Variants in DCP1B observed in about 807,000 individuals in gnomAD.
DCP1B encodes mRNA-decapping enzyme 1B.
In DCP1B, 47 loss-of-function variants were observed where a neutral mutation model predicts 60.5. That is an observed-to-expected ratio of 0.78 (90% CI 0.61 to 0.99). The LOEUF is 0.99. DCP1B is among the 50% of genes least tolerant of loss of function. DCP1B has a pLI of 0.00. For synonymous variants in DCP1B, 267 were observed against 280.3 expected, an observed-to-expected ratio of 0.95 and a Z score of 0.47; for missense variants, 725 against 756.8, an observed-to-expected ratio of 0.96 and a Z score of 0.49.
chr12:1,968,960 C>G (rs1311543169), intron 3 of DCP1B, among the ~76,000 whole-genome samples: 2 of 152,192 alleles, frequency 1.3e-5, no homozygotes, highest in Non-Finnish European at 2.9e-5. Context: ...GAAGCAGCTC[C>G]AGAAGACATT....
intron 1 of DCP1B, among the ~76,000 whole-genome samples, chr12:2,001,821 C>A (rs552425717): frequency 2.6e-5 from 4 of 152,308 alleles, no homozygotes; most frequent in Non-Finnish European, 5.9e-5. Flanking sequence ...ATTCCCTGGC[C>A]TCTACTCTAT....
At chr12:1,985,974 C>CT (rs1269043440) in intron 3 of DCP1B, among the ~76,000 whole-genome samples, 1 of 152,106 alleles carries the variant, frequency 6.6e-6, no homozygotes, top group Admixed American at 6.5e-5. Context: ...CCACACTTGG[C>CT]TAATTTTGTT....
chr12:1,997,686 C>T (rs2041263718), intron 2 of DCP1B, among the ~76,000 whole-genome samples: 1 of 152,118 alleles, frequency 6.6e-6, no homozygotes, highest in South Asian at 2.1e-4. Flanking sequence ...TTAAACAGTG[C>T]CCAGTCAATG....
rs1201547432 is a variant in DCP1B, at chr12:1,948,593, GAGC to G, written c.1773+490_1773+492del. 1.3e-5 allele frequency among the ~76,000 whole-genome samples: 2 copies of G among 152,208 alleles called. No individual in the cohort carries two copies. The highest frequency in any genetic ancestry group is 4.8e-5 in the African/African-American group (2 of 41,454). On this transcript the variant is annotated intron_variant, in intron 8 of 8. Transcript: ENST00000280665. This position sits in a 1 kb window ranked among gnomAD's most constrained non-coding sequence, Gnocchi z 4.8. Reference sequence around the variant, plus strand: ...TCCTGTCACTCCATCCCGTCCTAATGAGCAGGTTTCAAAATGACTTGTAAAACA... The same window carrying G: ...TCCTGTCACTCCATCCCGTCCTAATGAGGTTTCAAAATGACTTGTAAAACA...
rs1327544107 is a variant in DCP1B, at chr12:1,952,607, CAG to C, written c.1331_1332del (p.Ser444TrpfsTer25). 1.2e-6 allele frequency: 2 copies of C among 1,614,040 alleles called. No individual in the cohort carries two copies. Among genetic ancestry groups the C allele is most frequent in the African/African-American group, 2.7e-5 (2 of 74,908 alleles). ...LPISGSQTGS[S>X]GVISPQELLK... is the part of the protein sequence containing the mutation. ...AGTAACTCTTGAGGGGAGATCACTCCAGAGCTGCCAGTCTGACTACCAGAGAT... is the reference window on the plus strand; with the variant it reads ...AGTAACTCTTGAGGGGAGATCACTCCAGCTGCCAGTCTGACTACCAGAGAT... On this transcript the variant is annotated frameshift_variant, in exon 7 of 9. Transcript: ENST00000280665. LOFTEE classifies it high-confidence loss of function.
chr12:1,998,672 A>G (rs1050314537), intron 1 of DCP1B, among the ~76,000 whole-genome samples: 4 of 152,196 alleles, frequency 2.6e-5, no homozygotes, highest in Admixed American at 2.6e-4. Context: ...GTCACTTCAC[A>G]TTTCTTTTCC....
chr12:1,946,228 G>A lies in DCP1B; in HGVS notation c.1832C>T (p.Ala611Val), dbSNP rs775058555. ...CTGTCACATAGTCTTTTTCATGGCT[G>A]CTTGAGTCATGCTGAAGAGATAGGC... ...YEAYLFSMTQAAMKKTM is the reference protein window; with the variant it reads ...YEAYLFSMTQVAMKKTM The change falls in exon 9 of 9, where the codon GCA becomes GTA. Residue 611 changes from alanine to valine, a missense_variant. Coordinates refer to ENST00000280665, the MANE Select transcript of DCP1B (RefSeq NM_152640.5). 1.2e-6 allele frequency: 2 copies of A among 1,606,744 alleles called. No homozygotes were observed. The highest frequency in any genetic ancestry group is 2.2e-5 in the East Asian group (1 of 44,674).
At chr12:1,959,109 C>T (rs960189385) in intron 5 of DCP1B, among the ~76,000 whole-genome samples, 2 of 148,148 alleles carry the variant, frequency 1.3e-5, no homozygotes, top group South Asian at 2.2e-4. Context: ...TCCCCAACGT[C>T]GCTCTGGGCA....
At chr12:1,989,031 C>G (rs1489910191) in intron 3 of DCP1B, among the ~76,000 whole-genome samples, 1 of 152,202 alleles carries the variant, frequency 6.6e-6, no homozygotes, top group Non-Finnish European at 1.5e-5. Context: ...AAAAGAATTT[C>G]ATTGCAATCC....
At position 1,949,274 on chromosome 12, in the gene DCP1B, C is replaced by A. The variant is rs1446660498; in HGVS notation, c.1585G>T (p.Val529Leu). 1 of 1,614,092 alleles carries A rather than the reference C, an allele frequency of 6.2e-7. No individual in the cohort carries two copies. The highest frequency in any genetic ancestry group is 1.7e-5 in the Admixed American group (1 of 60,026). The change falls in exon 8 of 9, where the codon GTG becomes TTG. Residue 529 changes from valine (V) to leucine (L), a missense_variant. Physicochemically the swap from Val to Leu is conservative, Grantham distance 32 (BLOSUM62 1). Coordinates refer to ENST00000280665, the MANE Select transcript of DCP1B (RefSeq NM_152640.5). The stretch of plus-strand genomic sequence containing the variant: ...GGGACGGAGGTGGGTTGTGCGAACA[C>A]CATGGGGGACATAAGCAGAGACGGA... ...AAPSLLMSPM[V>L]FAQPTSVPPK... is the part of the protein sequence containing the mutation.
chr12:1,974,542 T>C (rs1422437940), intron 3 of DCP1B, among the ~76,000 whole-genome samples: 1 of 152,164 alleles, frequency 6.6e-6, no homozygotes, highest in African/African-American at 2.4e-5. Context: ...GACTACTTGT[T>C]AGGCACTGGC....
Position 1,949,152 on chromosome 12 carries a change from G to A in DCP1B, c.1707C>T (p.Pro569=), listed in dbSNP as rs1025281210. 6 of 1,614,016 alleles carry A rather than the reference G, an allele frequency of 3.7e-6. No individual in the cohort carries two copies. Among genetic ancestry groups the A allele is most frequent in the Middle Eastern group, 1.6e-4 (1 of 6,072 alleles). Reference sequence around the variant, plus strand: ...TGAGTGGGCTGCTGGTGATCACGGAGGGCTCCGGGCTCTGTATGGGCAGGA... The same window carrying A: ...TGAGTGGGCTGCTGGTGATCACGGAAGGCTCCGGGCTCTGTATGGGCAGGA... ...SLLLPIQSPE[P]SVITSSPLTK... is the part of the protein sequence containing the mutation. Residue 569 remains proline, a synonymous_variant, in exon 8 of 9, where the codon CCC becomes CCT. Coordinates refer to ENST00000280665, the MANE Select transcript of DCP1B (RefSeq NM_152640.5).
chr12:2,000,775 G>A (rs559829629), intron 1 of DCP1B, among the ~76,000 whole-genome samples: 35 of 152,308 alleles, frequency 2.3e-4, no homozygotes, highest in Admixed American at 1.3e-3. Context: ...AGGGGCTCAC[G>A]CCTGTAACCC....
chr12:1,949,390 T>G, intron 7 of DCP1B, 56 bp from the exon 8 acceptor site: 1 of 1,593,376 alleles, frequency 6.3e-7, no homozygotes, highest in Non-Finnish European at 8.6e-7. Context: ...CACGGCATGA[T>G]AGCTTGCAGC....
chr12:1,967,511 A>C (rs1267909551), intron 4 of DCP1B, among the ~76,000 whole-genome samples: 1 of 152,240 alleles, frequency 6.6e-6, no homozygotes, highest in Non-Finnish European at 1.5e-5. Context: ...TGTTCTTTTT[A>C]CCAACAGGCA....
rs1225070953 is a variant in DCP1B at position 1,962,964 on chromosome 12, T to A, written c.522+2594A>T. Among the ~76,000 whole-genome samples, 2 of 152,248 alleles carry A rather than the reference T, an allele frequency of 1.3e-5. No individual in the cohort carries two copies. The highest frequency in any genetic ancestry group is 4.8e-5 in the African/African-American group (2 of 41,466). On this transcript the variant is annotated intron_variant, in intron 5 of 8. Coordinates refer to ENST00000280665, the MANE Select transcript of DCP1B (RefSeq NM_152640.5). The surrounding 1 kb of genome is among the most constrained non-coding windows in gnomAD (Gnocchi z 4.4). Reference sequence around the variant, plus strand: ...CCACTTCATTCAGGATTTTTCTGATTGCTTCCTCATAGCATCATTTAATTT... The same window carrying A: ...CCACTTCATTCAGGATTTTTCTGATAGCTTCCTCATAGCATCATTTAATTT...
chr12:1,991,697 G>A (rs1593219519), intron 3 of DCP1B: 1 of 160,644 alleles, frequency 6.2e-6, no homozygotes. Flanking sequence ...CAAGGTGTAT[G>A]TTTATTAGAT....
In DCP1B at chr12:1,949,265, G is replaced by A; in HGVS notation, c.1594C>T (p.Gln532Ter). ...TCCTTTGGCGGGACGGAGGTGGGTT[G>A]TGCGAACACCATGGGGGACATAAGC... ...SLLMSPMVFA[Q>*]PTSVPPKERE... Residue 532 changes from glutamine to a stop codon, truncating the protein, a stop_gained, in exon 8 of 9, where the codon CAA (glutamine) becomes TAA (stop). Coordinates refer to ENST00000280665, the MANE Select transcript of DCP1B (RefSeq NM_152640.5). LOFTEE classifies it high-confidence loss of function. 2.5e-6 allele frequency: 4 copies of A among 1,614,172 alleles called. No homozygotes were observed. Among genetic ancestry groups the A allele is most frequent in the Non-Finnish European group, 3.4e-6 (4 of 1,180,038 alleles).
intron 5 of DCP1B, among the ~76,000 whole-genome samples, chr12:1,961,753 C>A (rs943790734): frequency 6.6e-6 from 1 of 151,992 alleles, no homozygotes; most frequent in African/African-American, 2.4e-5. Context: ...TTTTACTAAG[C>A]CTTAAAGGAT....
Sources: gnomAD v4.1 joint callset for allele counts (sites outside exome capture counted in the v4.1 genomes callset) on GRCh38, gnomAD v4.1.1 for gene constraint, Gnocchi (gnomAD v3.1) non-coding constraint, MANE v1.5 for transcripts, NCBI Gene and HGNC (gene_info 2026-07-23, HGNC 2026-07-21) for gene names.